The following MATCAP1 variants were observed in gnomAD, a reference collection of about 807,000 sequenced individuals.
MATCAP1 encodes microtubule associated tyrosine carboxypeptidase 1, also known as microtubule-associated tyrosine carboxypeptidase 1.
chr16:67,183,915 C>T, the MATCAP1 span: 1 of 199,998 alleles, frequency 5.0e-6, no homozygotes, highest in South Asian at 6.9e-5. Flanking sequence ...CGCTCTGCTA[C>T]ACCGGCCACC....
chr16:67,177,671 T>A, the MATCAP1 span, among the ~76,000 whole-genome samples: 29 of 152,336 alleles, frequency 1.9e-4, no homozygotes, highest in South Asian at 5.4e-3. Flanking sequence ...TTGCTTCAGA[T>A]GAAATCTACT....
the MATCAP1 span, chr16:67,176,072 T>A: frequency 8.4e-6 from 1 of 119,460 alleles, no homozygotes; most frequent in South Asian, 3.5e-4. The surrounding 1 kb of genome is among the most constrained non-coding windows in gnomAD (Gnocchi z 4.3). Flanking sequence ...TGTGTGTGTG[T>A]GTGTGTGTGT....
chr16:67,181,052 C>T, the MATCAP1 span, among the ~76,000 whole-genome samples: 1 of 152,302 alleles, frequency 6.6e-6, no homozygotes, highest in East Asian at 1.9e-4. Flanking sequence ...AAACACCCAC[C>T]TAGGTGGTGG....
chr16:67,182,279 C>A, the MATCAP1 span, among the ~76,000 whole-genome samples: 1 of 151,744 alleles, frequency 6.6e-6, no homozygotes, highest in East Asian at 1.9e-4. Flanking sequence ...AAAGTCACTG[C>A]CTCCTGGAAA....
At chr16:67,180,662 G>C in the MATCAP1 span, 3 of 1,322,326 alleles carry the variant, frequency 2.3e-6, no homozygotes, top group Non-Finnish European at 3.1e-6. Context: ...CCACACTGTC[G>C]ACCTCTGGGG....
chr16:67,179,360 C>T, the MATCAP1 span: 1 of 1,533,710 alleles, frequency 6.5e-7, no homozygotes, highest in Non-Finnish European at 8.8e-7. The surrounding 1 kb of genome is among the most constrained non-coding windows in gnomAD (Gnocchi z 5.2). Context: ...TGGGGCCCCT[C>T]CTTCCCACCC....
the MATCAP1 span, among the ~76,000 whole-genome samples, chr16:67,181,997 T>C: frequency 6.6e-6 from 1 of 152,178 alleles, no homozygotes; most frequent in Non-Finnish European, 1.5e-5. Flanking sequence ...ACGCCTGTAA[T>C]CCCAGCACTT....
At chr16:67,177,251 C>A in the MATCAP1 span, among the ~76,000 whole-genome samples, 1 of 152,188 alleles carries the variant, frequency 6.6e-6, no homozygotes, top group Non-Finnish European at 1.5e-5. Context: ...GGGCATCCAA[C>A]TGCCTCCTTA....
the MATCAP1 span, chr16:67,179,581 T>C: frequency 6.2e-7 from 1 of 1,604,894 alleles, no homozygotes; most frequent in South Asian, 1.1e-5. The surrounding 1 kb of genome is among the most constrained non-coding windows in gnomAD (Gnocchi z 5.2). Flanking sequence ...GGCAGTGCTC[T>C]GAGCCATGGC....
chr16:67,183,125 A>C, the MATCAP1 span: 1 of 151,982 alleles, frequency 6.6e-6, no homozygotes. Context: ...CTGCCTAATG[A>C]CCAGCTGCTT....
At chr16:67,182,881 G>T in the MATCAP1 span, among the ~76,000 whole-genome samples, 2 of 152,170 alleles carry the variant, frequency 1.3e-5, no homozygotes, top group South Asian at 2.1e-4. Flanking sequence ...ACCATCTGGA[G>T]TGTACTTCAG....
At chr16:67,176,054 A>AGTGTGTGTGTGT in the MATCAP1 span, 1 of 71,596 alleles carries the variant, frequency 1.4e-5, no homozygotes, top group Non-Finnish European at 2.7e-5. The surrounding 1 kb of genome is among the most constrained non-coding windows in gnomAD (Gnocchi z 4.3). Context: ...GGCCTGAATC[A>AGTGTGTGTGTGT]GTGTGTGTGT....
chr16:67,182,457 T>G, the MATCAP1 span, among the ~76,000 whole-genome samples: 57 of 152,298 alleles, frequency 3.7e-4, 1 homozygote, highest in Non-Finnish European at 7.1e-4. Context: ...CTCTTGTGGT[T>G]TTACATACAT....
At chr16:67,180,312 G>A in the MATCAP1 span, 2 of 1,612,316 alleles carry the variant, frequency 1.2e-6, no homozygotes, top group Non-Finnish European at 1.7e-6. Context: ...TCCAGGTGGA[G>A]GCCGTCCCAG....
At chr16:67,178,431 C>T in the MATCAP1 span, 1 of 1,539,112 alleles carries the variant, frequency 6.5e-7, no homozygotes, top group Non-Finnish European at 8.7e-7. Context: ...CCGGCCGCAG[C>T]CCGTACCGCA....
chr16:67,182,249 C>CAAAAAA, the MATCAP1 span, among the ~76,000 whole-genome samples: 1 of 46,344 alleles, frequency 2.2e-5, no homozygotes, highest in Non-Finnish European at 4.7e-5. Flanking sequence ...AACTCCATCT[C>CAAAAAA]AAAAAAAAAA....
chr16:67,182,325 C>T, the MATCAP1 span, among the ~76,000 whole-genome samples: 1 of 151,446 alleles, frequency 6.6e-6, no homozygotes, highest in Non-Finnish European at 1.5e-5. Flanking sequence ...CACAGTCGAA[C>T]TTAGTTCTCC....
the MATCAP1 span, among the ~76,000 whole-genome samples, chr16:67,182,593 C>T: frequency 6.6e-6 from 1 of 152,232 alleles, no homozygotes; most frequent in Non-Finnish European, 1.5e-5. Context: ...CCTCAGCCTT[C>T]CAACTAGCTG....
At chr16:67,176,505 AC>A in the MATCAP1 span, 1 of 296,424 alleles carries the variant, frequency 3.4e-6, no homozygotes, top group East Asian at 5.7e-5. This position sits in a 1 kb window ranked among gnomAD's most constrained non-coding sequence, Gnocchi z 4.3. Context: ...TTCCCAAACC[AC>A]CCCCATCCCC....
Sources: gnomAD v4.1 joint callset for allele counts (sites outside exome capture counted in the v4.1 genomes callset) on GRCh38, gnomAD v4.1.1 for gene constraint, Gnocchi (gnomAD v3.1) non-coding constraint, MANE v1.5 for transcripts, NCBI Gene and HGNC (gene_info 2026-07-23, HGNC 2026-07-21) for gene names.